The following HIF1A variants were observed in gnomAD, a reference collection of about 807,000 sequenced individuals.
HIF1A encodes the protein hypoxia-inducible factor 1-alpha.
A neutral mutation model predicts 92.7 loss-of-function variants in HIF1A; 24 were observed. That is an observed-to-expected ratio of 0.26 (90% CI 0.19 to 0.36). The LOEUF (loss-of-function observed/expected upper bound fraction) is 0.36, where lower values mean the gene tolerates loss of function less well. Among genes scored for constraint, HIF1A ranks in the 10% least tolerant of loss-of-function variants. The pLI, the probability that HIF1A is intolerant of heterozygous loss-of-function variation, is 1.00. For synonymous variants in HIF1A, 319 were observed against 338.7 expected, an observed-to-expected ratio of 0.94 and a Z score of 0.64; for missense variants, 799 against 998.5, an observed-to-expected ratio of 0.80 and a Z score of 2.69.
At chr14:61,726,415 C>T (rs1188427396) in intron 4 of HIF1A, 1 of 205,052 alleles carries the variant, frequency 4.9e-6, no homozygotes. Context: ...CAAACTCATA[C>T]CATTTTTATA....
At chr14:61,731,044 C>G (rs190157960) in intron 6 of HIF1A, among the ~76,000 whole-genome samples, 2 of 152,016 alleles carry the variant, frequency 1.3e-5, no homozygotes, top group African/African-American at 4.8e-5. Context: ...TCAGCTTTTC[C>G]TTTGTATATT....
intron 4 of HIF1A, among the ~76,000 whole-genome samples, chr14:61,725,351 TTA>T (rs1798350630): frequency 6.6e-6 from 1 of 152,178 alleles, no homozygotes; most frequent in Admixed American, 6.5e-5. Flanking sequence ...ATAAATATTT[TTA>T]TATGTGTTCT....
intron 10 of HIF1A, 115 bp from the exon 11 acceptor site, chr14:61,740,390 G>A: frequency 5.3e-6 from 4 of 755,364 alleles, no homozygotes; most frequent in Admixed American, 5.2e-5. Flanking sequence ...TGATAAACAC[G>A]ATGGACTTGG....
chr14:61,734,175 G>A lies in HIF1A; in HGVS notation c.918G>A (p.Arg306=). The change falls in exon 8 of 15, where the codon AGG becomes AGA. Residue 306 remains arginine, a synonymous_variant. Transcript: ENST00000337138. ...TKGQVTTGQY[R]MLAKRGGYVW... ...GACAAGTCACCACAGGACAGTACAGGATGCTTGCCAAAAGAGGTGGATATG... is the reference window on the plus strand; with the variant it reads ...GACAAGTCACCACAGGACAGTACAGAATGCTTGCCAAAAGAGGTGGATATG... 6.2e-7 allele frequency: 1 copy of A among 1,612,830 alleles called. No homozygotes were observed. The highest frequency in any genetic ancestry group is 8.5e-7 in the Non-Finnish European group (1 of 1,179,096).
chr14:61,745,459 C>G (rs980019454), intron 13 of HIF1A: 7 of 513,036 alleles, frequency 1.4e-5, no homozygotes, highest in African/African-American at 3.9e-5. Context: ...TGGGGTAAGT[C>G]AATGGTGGTA....
chr14:61,729,486 A>ACC (rs372721972), intron 6 of HIF1A, among the ~76,000 whole-genome samples: 2 of 147,920 alleles, frequency 1.4e-5, no homozygotes, highest in Admixed American at 6.8e-5. Flanking sequence ...AAACAAAAAA[A>ACC]AGACCTCAGA....
chr14:61,730,386 G>A (rs1057068774), intron 6 of HIF1A, among the ~76,000 whole-genome samples: 6 of 152,126 alleles, frequency 3.9e-5, no homozygotes, highest in South Asian at 2.1e-4. Flanking sequence ...GAGAAGCACT[G>A]ATTGACATTA....
chr14:61,704,701 T>C (rs1043940365), intron 1 of HIF1A, among the ~76,000 whole-genome samples: 6 of 152,178 alleles, frequency 3.9e-5, no homozygotes, highest in African/African-American at 1.4e-4. Flanking sequence ...ATTTCAGTGG[T>C]TCAAAAAATT....
chr14:61,721,051 C>A (rs2044420945), intron 2 of HIF1A, among the ~76,000 whole-genome samples: 1 of 151,968 alleles, frequency 6.6e-6, no homozygotes, highest in South Asian at 2.1e-4. Flanking sequence ...ACCAGCCTGG[C>A]CAAGATGGTG....
chr14:61,695,542 C>T lies in HIF1A; in HGVS notation c.-263C>T, dbSNP rs2044102389. ...CACAGTGCTGCCTCGTCTGAGGGGA[C>T]AGGAGGATCACCCTCTTCGTCGCTT... On this transcript the variant is annotated 5_prime_UTR_variant, in exon 1 of 15. Transcript: ENST00000337138. 2 of 568,278 alleles carry T rather than the reference C, an allele frequency of 3.5e-6. No homozygotes were observed. The highest frequency in any genetic ancestry group is 3.1e-5 in the East Asian group (1 of 32,500). 35.2% of individuals were successfully genotyped at this position (568,278 alleles called of 1,614,324 possible).
chr14:61,716,678 C>G (rs1479629294), intron 1 of HIF1A, among the ~76,000 whole-genome samples: 1 of 151,986 alleles, frequency 6.6e-6, no homozygotes, highest in Non-Finnish European at 1.5e-5. Flanking sequence ...TAGACATTCT[C>G]TATAAAACAA....
intron 10 of HIF1A, among the ~76,000 whole-genome samples, chr14:61,739,087 A>G (rs534818696): frequency 2.8e-4 from 42 of 152,298 alleles, no homozygotes; most frequent in African/African-American, 5.3e-4. Flanking sequence ...TCTGGTAGCA[A>G]TAGACTTACG....
At chr14:61,705,412 T>TA (rs2044228769) in intron 1 of HIF1A, among the ~76,000 whole-genome samples, 1 of 150,804 alleles carries the variant, frequency 6.6e-6, no homozygotes, top group Non-Finnish European at 1.5e-5. Context: ...AACACTGCTT[T>TA]AACTCTATTA....
intron 6 of HIF1A, among the ~76,000 whole-genome samples, chr14:61,730,438 C>T (rs943879491): frequency 1.3e-5 from 2 of 152,204 alleles, no homozygotes; most frequent in East Asian, 3.8e-4. Context: ...ACAATACCTT[C>T]ATTAATCTGA....
chr14:61,738,941 G>A (rs553619122), intron 10 of HIF1A, among the ~76,000 whole-genome samples: 50 of 152,046 alleles, frequency 3.3e-4, no homozygotes, highest in African/African-American at 1.2e-3. Flanking sequence ...GTGGAGTTGG[G>A]GTTCTCACTA....
intron 1 of HIF1A, among the ~76,000 whole-genome samples, chr14:61,713,877 G>C (rs1271468963): frequency 6.6e-6 from 1 of 152,116 alleles, no homozygotes; most frequent in African/African-American, 2.4e-5. Flanking sequence ...CAGGTAGATA[G>C]TGTTAGAATT....
chr14:61,711,758 A>C (rs920170049), intron 1 of HIF1A, among the ~76,000 whole-genome samples: 2 of 152,208 alleles, frequency 1.3e-5, no homozygotes, highest in African/African-American at 2.4e-5. Flanking sequence ...TCATTTGTTA[A>C]CATTTACTAA....
chr14:61,736,362 CAG>C (rs2044637979), intron 8 of HIF1A, among the ~76,000 whole-genome samples: 1 of 151,974 alleles, frequency 6.6e-6, no homozygotes, highest in Non-Finnish European at 1.5e-5. Context: ...ATTTTTGATT[CAG>C]GGGATACATG....
At chr14:61,723,740 G>T (rs2044462435) in intron 4 of HIF1A, among the ~76,000 whole-genome samples, 1 of 152,194 alleles carries the variant, frequency 6.6e-6, no homozygotes, top group Non-Finnish European at 1.5e-5. Context: ...ATATTAGGAA[G>T]TCTTGTTCTG....
Sources: allele counts gnomAD v4.1 joint callset (sites outside exome capture counted in the v4.1 genomes callset), GRCh38; gene constraint gnomAD v4.1.1; transcripts MANE v1.5; gene names NCBI Gene and HGNC (gene_info 2026-07-23, HGNC 2026-07-21).